Variants in DLC1 observed in about 807,000 individuals in gnomAD.
DLC1 encodes the protein rho GTPase-activating protein 7.
In DLC1, 54 loss-of-function variants were observed where a neutral mutation model predicts 140.3. That is an observed-to-expected ratio of 0.38 (90% CI 0.31 to 0.48). The LOEUF (loss-of-function observed/expected upper bound fraction) is 0.48. Ranked by LOEUF, DLC1 falls within the 20% of genes least tolerant of loss-of-function variation. The probability of loss-of-function intolerance (pLI) is 0.96; values close to 1 mark genes in which losing one functional copy is unlikely to be tolerated. For missense variants in DLC1, 2,536 were observed against 1,907.0 expected (o/e 1.33, Z -6.14); for synonymous variants, 986 against 728.1 (o/e 1.35, Z -5.70).
At chr8:13,292,289 G>A (rs1264323356) in intron 5 of DLC1, among the ~76,000 whole-genome samples, 2 of 152,140 alleles carry the variant, frequency 1.3e-5, no homozygotes, top group African/African-American at 4.8e-5. Flanking sequence ...TACATGTGGG[G>A]ATGAGCGGTC....
intron 2 of DLC1, among the ~76,000 whole-genome samples, chr8:13,462,793 C>T (rs892308782): frequency 2.6e-5 from 4 of 152,126 alleles, no homozygotes; most frequent in African/African-American, 7.2e-5. Context: ...AAACAGAAGA[C>T]ATTCACCAGA....
chr8:13,596,661 C>G lies in DLC1; in HGVS notation c.-126+7876G>C, dbSNP rs547116068. 2.6e-5 allele frequency among the ~76,000 whole-genome samples: 4 copies of G among 152,040 alleles called. No homozygotes were observed. In the South Asian group the frequency reaches 8.3e-4, roughly 32 times the overall value. The stretch of plus-strand genomic sequence containing the variant: ...TGCTTATTGAGATAAATTTGGGAGT[C>G]TTTCAAATGAAAGTTCTGTACTTTA... On this transcript the variant is annotated intron_variant, in intron 1 of 1. Coordinates refer to the DLC1 transcript ENST00000631382.
At chr8:13,157,257 A>G (rs903893156) in intron 5 of DLC1, among the ~76,000 whole-genome samples, 4 of 152,194 alleles carry the variant, frequency 2.6e-5, no homozygotes, top group African/African-American at 9.7e-5. Flanking sequence ...GACTCAAATA[A>G]TCTTTGACAG....
chr8:13,278,071 C>T (rs78671185), intron 5 of DLC1, among the ~76,000 whole-genome samples: 6,656 of 152,268 alleles, frequency 0.044, 182 homozygotes, highest in South Asian at 0.078. Flanking sequence ...CTGTATTGTT[C>T]CCAAACTGTT....
chr8:13,271,988 G>C (rs929332693), intron 5 of DLC1, among the ~76,000 whole-genome samples: 10 of 152,316 alleles, frequency 6.6e-5, no homozygotes, highest in African/African-American at 2.2e-4. Context: ...TAAATGTTTA[G>C]CTATGGGAAT....
At chr8:13,601,645 C>CCA (rs1450607270) in intron 1 of DLC1, among the ~76,000 whole-genome samples, 7 of 140,902 alleles carry the variant, frequency 5.0e-5, no homozygotes, top group Non-Finnish European at 1.1e-4. Flanking sequence ...GGATAATAGA[C>CCA]AAAAAAAAAA....
At chr8:13,291,658 A>G (rs1178349949) in intron 5 of DLC1, among the ~76,000 whole-genome samples, 1 of 152,218 alleles carries the variant, frequency 6.6e-6, no homozygotes, top group Non-Finnish European at 1.5e-5. Flanking sequence ...AATAAAGTAA[A>G]TGTAAGTGAC....
At chr8:13,441,542 A>G (rs1304538944) in intron 2 of DLC1, among the ~76,000 whole-genome samples, 1 of 152,174 alleles carries the variant, frequency 6.6e-6, no homozygotes, top group African/African-American at 2.4e-5. Flanking sequence ...TGCAAAAATC[A>G]CAAGCATTCT....
intron 2 of DLC1, among the ~76,000 whole-genome samples, chr8:13,422,867 T>A (rs1331039487): frequency 6.6e-6 from 1 of 151,894 alleles, no homozygotes; most frequent in Non-Finnish European, 1.5e-5. Context: ...AAAAAGATTC[T>A]GATTGGGTGA....
At chr8:13,153,474 A>G (rs539215528) in intron 5 of DLC1, among the ~76,000 whole-genome samples, 1 of 152,130 alleles carries the variant, frequency 6.6e-6, no homozygotes, top group Non-Finnish European at 1.5e-5. Flanking sequence ...AAAAACACCA[A>G]AGCTTCCACA....
chr8:13,414,075 A>G (rs1459137958), intron 2 of DLC1, among the ~76,000 whole-genome samples: 1 of 152,184 alleles, frequency 6.6e-6, no homozygotes. Flanking sequence ...AAAAGCTGAC[A>G]CCACAAACAC....
At chr8:13,435,416 C>A (rs1473017109) in intron 2 of DLC1, among the ~76,000 whole-genome samples, 1 of 152,158 alleles carries the variant, frequency 6.6e-6, no homozygotes, top group Non-Finnish European at 1.5e-5. Context: ...CGGGTTCAAG[C>A]AATTCTCCTG....
chr8:13,112,395 T>A (rs1323908408), intron 6 of DLC1, among the ~76,000 whole-genome samples: 1 of 152,246 alleles, frequency 6.6e-6, no homozygotes. Flanking sequence ...AGAATGAGTA[T>A]AAAGTTATAG....
chr8:13,338,503 A>T (rs973640732), intron 4 of DLC1: 1 of 152,200 alleles, frequency 6.6e-6, no homozygotes, highest in Non-Finnish European at 1.5e-5. Context: ...AACATATTAC[A>T]TATTATAAAA....
chr8:13,442,640 C>T (rs1209932740), intron 2 of DLC1, among the ~76,000 whole-genome samples: 1 of 152,296 alleles, frequency 6.6e-6, no homozygotes, highest in East Asian at 1.9e-4. Context: ...AAATGCAAAT[C>T]AAAACCACAA....
At chr8:13,157,449 T>C (rs1824334343) in intron 5 of DLC1, among the ~76,000 whole-genome samples, 1 of 150,786 alleles carries the variant, frequency 6.6e-6, no homozygotes, top group African/African-American at 2.5e-5. Context: ...ACAATTGGAA[T>C]AAGCAGGTGA....
At chr8:13,455,345 T>C (rs1799333721) in intron 2 of DLC1, among the ~76,000 whole-genome samples, 1 of 152,066 alleles carries the variant, frequency 6.6e-6, no homozygotes, top group Non-Finnish European at 1.5e-5. Context: ...ACACTTCCTC[T>C]CCTCAAAGCA....
At chr8:13,162,971 T>C (rs565103644) in intron 5 of DLC1, among the ~76,000 whole-genome samples, 413 of 152,258 alleles carry the variant, frequency 2.7e-3, no homozygotes, top group Non-Finnish European at 5.0e-3. Context: ...ACTTATCAAA[T>C]TGACTGAGGA....
At chr8:13,357,358 G>C (rs1391177673) in intron 4 of DLC1, among the ~76,000 whole-genome samples, 1 of 152,208 alleles carries the variant, frequency 6.6e-6, no homozygotes, top group Non-Finnish European at 1.5e-5. Flanking sequence ...CCATGTCAGA[G>C]AAAACTGTTT....
Sources: allele counts gnomAD v4.1 joint callset (sites outside exome capture counted in the v4.1 genomes callset), GRCh38; gene constraint gnomAD v4.1.1; transcripts MANE v1.5; gene names NCBI Gene and HGNC (gene_info 2026-07-23, HGNC 2026-07-21).